The following CHODL variants were observed in gnomAD, a reference collection of about 807,000 sequenced individuals.
CHODL encodes the protein transmembrane protein MT75.
A neutral mutation model predicts 34.5 loss-of-function variants in CHODL; 29 were observed. The observed-to-expected ratio is 0.84, with a 90% confidence interval of 0.63 to 1.15. The LOEUF (loss-of-function observed/expected upper bound fraction) is 1.15, where lower values mean the gene tolerates loss of function less well. CHODL is among the 50% of genes most tolerant of loss of function. The pLI is 0.00. For synonymous variants in CHODL, 125 were observed against 116.1 expected, an observed-to-expected ratio of 1.08 and a Z score of -0.49; for missense variants, 332 against 332.5, an observed-to-expected ratio of 1.00 and a Z score of 0.01.
intron 1 of CHODL, among the ~76,000 whole-genome samples, chr21:17,974,074 A>C (rs1393580106): frequency 5.9e-5 from 9 of 152,096 alleles, no homozygotes. Context: ...CCTTGTTTCT[A>C]TTTTCACTTC....
intron 1 of CHODL, among the ~76,000 whole-genome samples, chr21:17,926,375 G>GTTTTTTTTTT (rs767844049): frequency 1.7e-5 from 1 of 60,540 alleles, no homozygotes. Flanking sequence ...AAATAAGGTG[G>GTTTTTTTTTT]GTTTTTTTTT....
intron 2 of CHODL, among the ~76,000 whole-genome samples, chr21:18,061,964 G>A (rs770317822): frequency 2.6e-5 from 4 of 152,150 alleles, no homozygotes; most frequent in Admixed American, 6.6e-5. Flanking sequence ...TAGACTCATC[G>A]GATAAGATGC....
At chr21:18,185,844 GA>G in intron 2 of CHODL, among the ~76,000 whole-genome samples, 1 of 152,256 alleles carries the variant, frequency 6.6e-6, no homozygotes, top group Admixed American at 6.5e-5. Flanking sequence ...TTATATGGTA[GA>G]AAAAGACTAG....
At chr21:17,950,521 CACACACACACACACTT>C (rs1381299234) in intron 1 of CHODL, among the ~76,000 whole-genome samples, 8 of 125,122 alleles carry the variant, frequency 6.4e-5, no homozygotes, top group Admixed American at 4.2e-4. Context: ...CACACACACA[CACACACACACACACTT>C]CTTTAAAGCC....
At chr21:18,034,828 A>G (rs2064290889) in intron 2 of CHODL, among the ~76,000 whole-genome samples, 1 of 152,010 alleles carries the variant, frequency 6.6e-6, no homozygotes, top group Admixed American at 6.6e-5. Context: ...AGTAACATGA[A>G]AATTTGACTT....
At chr21:17,971,769 T>C (rs193027267) in intron 1 of CHODL, among the ~76,000 whole-genome samples, 62 of 151,952 alleles carry the variant, frequency 4.1e-4, no homozygotes, top group African/African-American at 1.4e-3. Context: ...TTCCAAACAA[T>C]AGAAAAAGAG....
upstream of CHODL, among the ~76,000 whole-genome samples, chr21:18,241,722 G>A (rs1391687533): frequency 6.6e-6 from 1 of 152,178 alleles, no homozygotes; most frequent in Non-Finnish European, 1.5e-5. Flanking sequence ...GAGTGAAGGA[G>A]TTCGTGATAT....
intron 2 of CHODL, among the ~76,000 whole-genome samples, chr21:18,116,767 G>A (rs1234030308): frequency 2.0e-5 from 3 of 152,148 alleles, no homozygotes; most frequent in Non-Finnish European, 4.4e-5. Flanking sequence ...ATCAGAAGAC[G>A]TCACCTGCTA....
chr21:18,221,250 A>G (rs148452334), intron 2 of CHODL, among the ~76,000 whole-genome samples: 1,591 of 152,002 alleles, frequency 0.01, 19 homozygotes, highest in Non-Finnish European at 0.017. Context: ...GTCCCTTTTT[A>G]TATCTCTTTA....
chr21:18,047,358 C>T (rs996098166), intron 2 of CHODL, among the ~76,000 whole-genome samples: 5 of 151,906 alleles, frequency 3.3e-5, no homozygotes, highest in African/African-American at 1.2e-4. Context: ...ATGAAGACTA[C>T]AGAGTGCAGA....
intron 2 of CHODL, among the ~76,000 whole-genome samples, chr21:18,163,950 C>G (rs1435874758): frequency 6.6e-6 from 1 of 152,174 alleles, no homozygotes; most frequent in Non-Finnish European, 1.5e-5. Flanking sequence ...CCCTTTGCAA[C>G]TTCATTTGTT....
intron 1 of CHODL, among the ~76,000 whole-genome samples, chr21:17,967,026 A>G (rs2063577654): frequency 6.6e-6 from 1 of 151,894 alleles, no homozygotes; most frequent in Non-Finnish European, 1.5e-5. Flanking sequence ...CTGGGATTAC[A>G]GGCACCCACC....
At chr21:18,046,482 C>T (rs1042668048) in intron 2 of CHODL, among the ~76,000 whole-genome samples, 6 of 151,688 alleles carry the variant, frequency 4.0e-5, no homozygotes, top group East Asian at 2.0e-4. Context: ...CAGGACCTGG[C>T]GAGATTGGAT....
intron 2 of CHODL, among the ~76,000 whole-genome samples, chr21:18,124,809 A>G (rs1345485342): frequency 1.3e-5 from 2 of 152,250 alleles, no homozygotes; most frequent in African/African-American, 4.8e-5. Flanking sequence ...AGCACTTACT[A>G]TATCCGGTGA....
chr21:18,132,120 G>GCAGGTT (rs1462054353), intron 2 of CHODL, among the ~76,000 whole-genome samples: 1 of 151,932 alleles, frequency 6.6e-6, no homozygotes, highest in Non-Finnish European at 1.5e-5. Context: ...TAGGGTATAT[G>GCAGGTT]TGCACAATAT....
chr21:18,088,813 T>C (rs886494068), intron 2 of CHODL, among the ~76,000 whole-genome samples: 1 of 152,226 alleles, frequency 6.6e-6, no homozygotes, highest in Non-Finnish European at 1.5e-5. Flanking sequence ...ATCTGGCTTC[T>C]TTTTGCTATT....
intron 2 of CHODL, among the ~76,000 whole-genome samples, chr21:18,210,619 C>T (rs369672751): frequency 3.3e-5 from 5 of 152,158 alleles, no homozygotes; most frequent in African/African-American, 1.2e-4. Context: ...CTCCAGTAGA[C>T]CCATCCAGTC....
intron 2 of CHODL, among the ~76,000 whole-genome samples, chr21:18,059,621 T>G (rs1048180265): frequency 6.6e-6 from 1 of 151,934 alleles, no homozygotes; most frequent in African/African-American, 2.4e-5. Flanking sequence ...CAGCATCCAT[T>G]AGCTATTCTT....
At chr21:18,233,394 C>A (rs1181647326) in intron 2 of CHODL, among the ~76,000 whole-genome samples, 1 of 152,034 alleles carries the variant, frequency 6.6e-6, no homozygotes, top group Non-Finnish European at 1.5e-5. Context: ...TACTTAACAT[C>A]CTTTTGCTGC....
Sources: allele counts gnomAD v4.1 joint callset (sites outside exome capture counted in the v4.1 genomes callset), GRCh38; gene constraint gnomAD v4.1.1; transcripts MANE v1.5; gene names NCBI Gene and HGNC (gene_info 2026-07-23, HGNC 2026-07-21).